AHCYL2: variants seen among roughly 807,000 people sequenced by gnomAD.
AHCYL2 encodes the protein adenosylhomocysteinase like 2.
AHCYL2 carries 28 observed loss-of-function variants against 81.4 expected under a neutral mutation model. That is an observed-to-expected ratio of 0.34 (90% CI 0.25 to 0.47). AHCYL2 has a LOEUF of 0.47. Ranked by LOEUF, AHCYL2 falls within the 20% of genes least tolerant of loss-of-function variation. The pLI is 1.00. For missense variants in AHCYL2, 551 were observed against 785.1 expected (o/e 0.70, Z 3.56); for synonymous variants, 272 against 290.2 (o/e 0.94, Z 0.64).
At position 129,413,576 on chromosome 7, in the gene AHCYL2, C is replaced by T. The variant is rs1211133921; in HGVS notation, c.1367-18C>T. 2 of 1,596,256 alleles carry T rather than the reference C, an allele frequency of 1.3e-6. No homozygotes were observed. The highest frequency in any genetic ancestry group is 3.3e-5 in the Admixed American group (2 of 59,962). Reference sequence around the variant, plus strand: ...TATCTTTCTCCACTGCTGCTCAGACCTCTCTTCTGTTTTTAAGGTAACAAG... The same window carrying T: ...TATCTTTCTCCACTGCTGCTCAGACTTCTCTTCTGTTTTTAAGGTAACAAG... On this transcript the variant is annotated intron_variant, in intron 11 of 16. Coordinates refer to ENST00000325006, the MANE Select transcript of AHCYL2 (RefSeq NM_015328.4).
chr7:129,318,267 A>T (rs1428788854), intron 1 of AHCYL2, among the ~76,000 whole-genome samples: 1 of 152,164 alleles, frequency 6.6e-6, no homozygotes, highest in East Asian at 1.9e-4. Flanking sequence ...ATTTTGTGTT[A>T]TTCTTTTTTT....
chr7:129,341,796 A>C (rs1192854980), intron 1 of AHCYL2, among the ~76,000 whole-genome samples: 1 of 152,348 alleles, frequency 6.6e-6, no homozygotes, highest in South Asian at 2.1e-4. Flanking sequence ...TGGTTATCAT[A>C]TGAAACCTAT....
chr7:129,357,728 A>T (rs1793781380), intron 1 of AHCYL2, among the ~76,000 whole-genome samples: 1 of 152,026 alleles, frequency 6.6e-6, no homozygotes, highest in South Asian at 2.1e-4. Context: ...AGGTCAGGAG[A>T]TCGAGACCAT....
chr7:129,303,782 T>C (rs1020775775), intron 1 of AHCYL2, among the ~76,000 whole-genome samples: 2 of 152,180 alleles, frequency 1.3e-5, no homozygotes, highest in Non-Finnish European at 2.9e-5. Flanking sequence ...TAGGAACTTA[T>C]AGCTATAAAC....
rs111633337 is a variant in AHCYL2 at position 129,250,942 on chromosome 7, C to T, written c.363+25503C>T. On this transcript the variant is annotated intron_variant, in intron 1 of 16. Transcript: ENST00000325006. The stretch of plus-strand genomic sequence containing the variant: ...ATGGTCTGCTTGTCCATATTAAAGT[C>T]TAGGGTGTCTAGATTGTGACCAAAA... Among the ~76,000 whole-genome samples, 975 of 152,304 alleles carry T rather than the reference C, an allele frequency of 6.4e-3. 10 individuals carry two copies. The highest frequency in any genetic ancestry group is 0.022 in the African/African-American group (924 of 41,560).
intron 1 of AHCYL2, among the ~76,000 whole-genome samples, chr7:129,321,799 G>A (rs1195925586): frequency 1.8e-5 from 2 of 114,170 alleles, no homozygotes; most frequent in Non-Finnish European, 3.6e-5. Context: ...TTTTTCAGAC[G>A]GAGTCTCACT....
intron 1 of AHCYL2, among the ~76,000 whole-genome samples, chr7:129,361,828 T>C (rs1474277078): frequency 6.6e-6 from 1 of 152,074 alleles, no homozygotes; most frequent in Non-Finnish European, 1.5e-5. Flanking sequence ...TTTTGCTATG[T>C]TGCTCAGGCT....
At chr7:129,283,930 A>G (rs1047798638) in intron 1 of AHCYL2, among the ~76,000 whole-genome samples, 8 of 152,202 alleles carry the variant, frequency 5.3e-5, no homozygotes, top group African/African-American at 1.9e-4. Flanking sequence ...GGCTTTAAAA[A>G]ACAAAATCAA....
chr7:129,291,116 C>T (rs1258974430), intron 1 of AHCYL2, among the ~76,000 whole-genome samples: 4 of 152,052 alleles, frequency 2.6e-5, no homozygotes, highest in African/African-American at 7.2e-5. Flanking sequence ...TTAAAAGCCA[C>T]CTTTCCTCCC....
rs147963623 is a variant in AHCYL2, at chr7:129,396,546, C to T, written c.721-676C>T. The stretch of plus-strand genomic sequence containing the variant: ...AAGCCATTGTCCTGCCTCAGCCTCC[C>T]GAGTAGCTGGGATTACAGGCATGCG... On this transcript the variant is annotated intron_variant, in intron 4 of 16. Coordinates refer to ENST00000325006, the MANE Select transcript of AHCYL2 (RefSeq NM_015328.4). 8.1e-3 allele frequency among the ~76,000 whole-genome samples: 1,238 copies of T among 152,176 alleles called. 16 individuals are homozygous for T. Among genetic ancestry groups the T allele is most frequent in the African/African-American group, 0.028 (1,153 of 41,514 alleles).
chr7:129,249,768 C>T (rs1018805418), intron 1 of AHCYL2, among the ~76,000 whole-genome samples: 1 of 152,134 alleles, frequency 6.6e-6, no homozygotes. Context: ...CCTTGGAAAC[C>T]TCTATTCTAT....
At chr7:129,331,499 C>T (rs1009892429) in intron 1 of AHCYL2, among the ~76,000 whole-genome samples, 5 of 152,076 alleles carry the variant, frequency 3.3e-5, no homozygotes, top group Admixed American at 1.3e-4. Context: ...ATTGATGCAA[C>T]GTATGTTGTT....
At chr7:129,394,064 G>A (rs572528436) in intron 4 of AHCYL2, among the ~76,000 whole-genome samples, 1 of 152,190 alleles carries the variant, frequency 6.6e-6, no homozygotes, top group African/African-American at 2.4e-5. Context: ...GAGTGCAGTG[G>A]TACAATCATT....
intron 1 of AHCYL2, among the ~76,000 whole-genome samples, chr7:129,328,828 T>G (rs1266192368): frequency 6.6e-6 from 1 of 152,218 alleles, no homozygotes; most frequent in Admixed American, 6.5e-5. Context: ...CTAACATTTT[T>G]CTTCTATTTT....
intron 1 of AHCYL2, among the ~76,000 whole-genome samples, chr7:129,317,685 G>A (rs1797872204): frequency 6.6e-6 from 1 of 152,182 alleles, no homozygotes; most frequent in Non-Finnish European, 1.5e-5. Context: ...CATGGGGTTG[G>A]TGGCTAGAGG....
chr7:129,407,980 G>GATAGC, intron 10 of AHCYL2, among the ~76,000 whole-genome samples: 1 of 152,320 alleles, frequency 6.6e-6, no homozygotes. Flanking sequence ...CAAGGAAGGA[G>GATAGC]ATAGCATGGC....
intron 1 of AHCYL2, among the ~76,000 whole-genome samples, chr7:129,276,966 G>T (rs1796233339): frequency 6.6e-6 from 1 of 152,026 alleles, no homozygotes; most frequent in Admixed American, 6.6e-5. Context: ...GTGCTAAATT[G>T]TACAGCTTAG....
intron 7 of AHCYL2, 44 bp from the exon 8 acceptor site, chr7:129,405,053 G>T: frequency 7.6e-7 from 1 of 1,322,684 alleles, no homozygotes; most frequent in Non-Finnish European, 1.1e-6. Flanking sequence ...ATGGTAGATT[G>T]TAATGTCCTG....
chr7:129,367,979 C>A, intron 1 of AHCYL2: 1 of 450,526 alleles, frequency 2.2e-6, no homozygotes, highest in Non-Finnish European at 2.9e-6. Context: ...TTCAAGGAAA[C>A]GCCTGTTTAC....
Sources: allele counts gnomAD v4.1 joint callset (sites outside exome capture counted in the v4.1 genomes callset), GRCh38; gene constraint gnomAD v4.1.1; transcripts MANE v1.5; gene names NCBI Gene and HGNC (gene_info 2026-07-23, HGNC 2026-07-21).